The following HECTD4 variants were observed in gnomAD, a reference collection of about 807,000 sequenced individuals.
The protein encoded by HECTD4 is HECT domain E3 ubiquitin protein ligase 4.
In HECTD4, 114 loss-of-function variants were observed where a neutral mutation model predicts 471.5. That is an observed-to-expected ratio of 0.24 (90% CI 0.21 to 0.28). The LOEUF is 0.28. HECTD4 is among the 10% of genes least tolerant of loss of function. The pLI is 1.00. For synonymous variants in HECTD4, 2,012 were observed against 2,256.0 expected (o/e 0.89, Z 3.07); for missense variants, 3,866 against 5,651.5 (o/e 0.68, Z 10.13).
At chr12:112,214,776 T>C (rs549827305) in intron 48 of HECTD4, among the ~76,000 whole-genome samples, 76 of 152,324 alleles carry the variant, frequency 5.0e-4, no homozygotes, top group African/African-American at 1.5e-3. Context: ...GTCTGAGTTA[T>C]GCTTTGTGAA....
intron 43 of HECTD4, among the ~76,000 whole-genome samples, chr12:112,227,166 A>G (rs1228361249): frequency 6.6e-6 from 1 of 152,202 alleles, no homozygotes; most frequent in Non-Finnish European, 1.5e-5. Context: ...GTTTCTAAGA[A>G]GTGTCATTGT....
At chr12:112,245,495 T>C (rs568398182) in intron 29 of HECTD4, among the ~76,000 whole-genome samples, 3 of 152,298 alleles carry the variant, frequency 2.0e-5, no homozygotes, top group Non-Finnish European at 4.4e-5. Flanking sequence ...TCCTGGCATG[T>C]GATTGTACCA....
chr12:112,237,161 G>A, intron 34 of HECTD4, 63 bp from the exon 35 acceptor site: 1 of 1,451,668 alleles, frequency 6.9e-7, no homozygotes, highest in Non-Finnish European at 9.2e-7. Flanking sequence ...TGGTGAGCCT[G>A]AGGGGGCGGC....
intron 1 of HECTD4, among the ~76,000 whole-genome samples, chr12:112,347,370 G>A (rs552249733): frequency 2.0e-5 from 3 of 152,042 alleles, no homozygotes; most frequent in Non-Finnish European, 4.4e-5. Context: ...TTAGCCGGGT[G>A]TGATGGAGCA....
rs370552369 is a variant in HECTD4 at position 112,344,390 on chromosome 12, T to C, written c.178-24648A>G. 1.1e-4 allele frequency among the ~76,000 whole-genome samples: 16 copies of C among 152,312 alleles called. 2 individuals carry two copies. In the East Asian group the frequency reaches 2.9e-3, roughly 28 times the overall value. On this transcript the variant is annotated intron_variant, in intron 1 of 75. Coordinates refer to ENST00000682272, the MANE Select transcript of HECTD4 (RefSeq NM_001388303.1). ...TCTGTAACAATTCAGATGAGTGTTA[T>C]GCATAAAGAACATGACCTGGTAAAC...
At chr12:112,258,260 T>C (rs536483627) in intron 20 of HECTD4, 4 of 344,208 alleles carry the variant, frequency 1.2e-5, no homozygotes, top group Non-Finnish European at 2.1e-5. Flanking sequence ...ACTATTAGCA[T>C]ATGAGAATTT....
rs948301853 is a variant in HECTD4, at chr12:112,173,111, A to G, written c.11595-250T>C. On this transcript the variant is annotated intron_variant, in intron 66 of 75. Coordinates refer to ENST00000682272, the MANE Select transcript of HECTD4 (RefSeq NM_001388303.1). This position sits in a 1 kb window ranked among gnomAD's most constrained non-coding sequence, Gnocchi z 4.3. ...GGGAGGTGGCACCATGCACCCACCC[A>G]TGCCTCACTCCTGTGTGTCGGCAGC... Among the ~76,000 whole-genome samples, 14 of 152,314 alleles carry G rather than the reference A, an allele frequency of 9.2e-5. No individual in the cohort carries two copies. The highest frequency in any genetic ancestry group is 3.4e-3 in the Middle Eastern group (1 of 294).
chr12:112,163,753 G>T lies in HECTD4; in HGVS notation c.12702-16C>A. On this transcript the variant is annotated splice_polypyrimidine_tract_variant and intron_variant, in intron 73 of 75. Coordinates refer to ENST00000682272, the MANE Select transcript of HECTD4 (RefSeq NM_001388303.1). The surrounding 1 kb of genome is among the most constrained non-coding windows in gnomAD (Gnocchi z 8.2). ...GTTCTCCCACCTGCCCGGGTGAGGAGCACAGGTGAGGGAGAACACCGCCGA... is the reference window on the plus strand; with the variant it reads ...GTTCTCCCACCTGCCCGGGTGAGGATCACAGGTGAGGGAGAACACCGCCGA... 6.9e-7 allele frequency: 1 copy of T among 1,448,406 alleles called. No individual in the cohort carries two copies. Among genetic ancestry groups the T allele is most frequent in the African/African-American group, 1.4e-5 (1 of 69,904 alleles). 89.7% of individuals were successfully genotyped at this position (1,448,406 alleles called of 1,614,324 possible).
chr12:112,200,520 C>G (rs766948066), intron 55 of HECTD4, 118 bp downstream of exon 55: 2 of 1,111,388 alleles, frequency 1.8e-6, no homozygotes, highest in Non-Finnish European at 2.5e-6. Flanking sequence ...GCTGCCTTCT[C>G]TAAGTGTTAG....
In HECTD4 at chr12:112,213,263, C is replaced by T. The variant is rs2032816692; in HGVS notation, c.7466-613G>A. 6.6e-6 allele frequency among the ~76,000 whole-genome samples: 1 copy of T among 152,150 alleles called. No individual in the cohort carries two copies. The highest frequency in any genetic ancestry group is 2.1e-4 in the South Asian group (1 of 4,822). On this transcript the variant is annotated intron_variant, in intron 48 of 75. Transcript: ENST00000682272. This position sits in a 1 kb window ranked among gnomAD's most constrained non-coding sequence, Gnocchi z 4.0. ...TGGCAGGCAAGAAAAAAATGAAAAA[C>T]ACTAGGTACTATTTTTAAAATAGAA...
rs2031055379 is a variant in HECTD4 at position 112,168,096 on chromosome 12, C to T, written c.12209-179G>A. Among the ~76,000 whole-genome samples the T allele has an allele frequency of 1.3e-5, 2 of 152,228 alleles. 1 individual carries two copies. Among genetic ancestry groups the T allele is most frequent in the Admixed American group, 1.3e-4 (2 of 15,294 alleles). On this transcript the variant is annotated intron_variant, in intron 70 of 75. Transcript: ENST00000682272. ...GCCTCAGGTCCAATCCTGCTCTCCA[C>T]TCACTAGTGGGGCCACCCAGGGATA... is the stretch of plus-strand genomic sequence containing the variant.
chr12:112,176,320 C>T (rs2031445240), intron 65 of HECTD4, among the ~76,000 whole-genome samples: 1 of 152,234 alleles, frequency 6.6e-6, no homozygotes, highest in Non-Finnish European at 1.5e-5. Context: ...TGTTCTTTAT[C>T]CTGGGCATGC....
Position 112,251,151 on chromosome 12 carries a change from G to C in HECTD4, c.3553-17C>G. 6.2e-7 allele frequency: 1 copy of C among 1,611,702 alleles called. No homozygotes were observed. Among genetic ancestry groups the C allele is most frequent in the East Asian group, 2.2e-5 (1 of 44,868 alleles). The stretch of plus-strand genomic sequence containing the variant: ...CGAAGACTCCTACAATGCAGACAGG[G>C]GTAAACCACACTGGTCAGTGTACAC... On this transcript the variant is annotated splice_polypyrimidine_tract_variant and intron_variant, in intron 23 of 75. Transcript: ENST00000682272.
chr12:112,342,083 T>C (rs980435389), intron 1 of HECTD4, among the ~76,000 whole-genome samples: 1 of 152,214 alleles, frequency 6.6e-6, no homozygotes, highest in Admixed American at 6.5e-5. Flanking sequence ...AGGCTAACTA[T>C]TGCCATCTGA....
intron 1 of HECTD4, among the ~76,000 whole-genome samples, chr12:112,336,348 C>T (rs1201563587): frequency 6.6e-6 from 1 of 151,920 alleles, no homozygotes; most frequent in African/African-American, 2.4e-5. Flanking sequence ...ACGGTGAAAC[C>T]CTGTCTCTAC....
rs1593889251 is a variant in HECTD4, at chr12:112,169,526, G to A, written c.12185C>T (p.Thr4062Ile). Residue 4062 changes from threonine (T) to isoleucine (I), a missense_variant, in exon 70 of 76, where the codon ACT (threonine) becomes ATT (isoleucine). Physicochemically the swap from Thr to Ile is moderately conservative, Grantham distance 89 (BLOSUM62 -1). Transcript: ENST00000682272. ...ACTGGTGCCATGGACCTCCTCGCCA[G>A]TGAAGCGGATGTTGAAGGCATATGT... ...DPTYAFNIRF[T>I]GEEVHGTSGS... The A allele has an allele frequency of 3.1e-6, 5 of 1,612,306 alleles. No individual in the cohort carries two copies. The East Asian group carries it at 1.1e-4, about 36-fold the overall frequency.
At chr12:112,372,577 C>T (rs2036702455) in intron 1 of HECTD4, among the ~76,000 whole-genome samples, 1 of 151,970 alleles carries the variant, frequency 6.6e-6, no homozygotes, top group African/African-American at 2.4e-5. Context: ...AGCCACTGCA[C>T]CTGGCCCATG....
At chr12:112,297,980 C>T (rs2035077958) in intron 7 of HECTD4, among the ~76,000 whole-genome samples, 1 of 152,040 alleles carries the variant, frequency 6.6e-6, no homozygotes, top group Non-Finnish European at 1.5e-5. Flanking sequence ...GTGTCCACAG[C>T]CAAAGTGATC....
chr12:112,315,857 C>T (rs1338657187), intron 2 of HECTD4, among the ~76,000 whole-genome samples: 1 of 144,088 alleles, frequency 6.9e-6, no homozygotes, highest in Non-Finnish European at 1.5e-5. Context: ...GATCACACCA[C>T]TGCACTCCAG....
Sources: gnomAD v4.1 joint callset for allele counts (sites outside exome capture counted in the v4.1 genomes callset) on GRCh38, gnomAD v4.1.1 for gene constraint, Gnocchi (gnomAD v3.1) non-coding constraint, MANE v1.5 for transcripts, NCBI Gene and HGNC (gene_info 2026-07-23, HGNC 2026-07-21) for gene names.